Variants in HECW2 observed in about 807,000 individuals in gnomAD.
HECW2 encodes the protein HECT, C2 and WW domain containing E3 ubiquitin protein ligase 2.
A neutral mutation model predicts 175.2 loss-of-function variants in HECW2; 61 were observed. The ratio of observed to expected loss-of-function variants is 0.35; its 90% CI spans 0.28 to 0.43. The LOEUF is 0.43. Ranked by LOEUF, HECW2 falls within the 20% of genes least tolerant of loss-of-function variation. The pLI is 1.00. For synonymous variants in HECW2, 671 were observed against 731.0 expected (o/e 0.92, Z 1.32); for missense variants, 1,524 against 2,000.5 (o/e 0.76, Z 4.54).
chr2:196,227,280 T>C (rs1001385658), intron 22 of HECW2, among the ~76,000 whole-genome samples: 21 of 150,342 alleles, frequency 1.4e-4, no homozygotes, highest in African/African-American at 4.6e-4. Flanking sequence ...ATTCTTTCCT[T>C]TGTTGCTGTC....
chr2:196,401,082 C>T (rs778153987), intron 2 of HECW2, among the ~76,000 whole-genome samples: 7 of 152,164 alleles, frequency 4.6e-5, no homozygotes, highest in Non-Finnish European at 8.8e-5. Flanking sequence ...AAATTAAATG[C>T]GCACATTCTT....
chr2:196,427,060 G>A (rs1480197745), intron 2 of HECW2, among the ~76,000 whole-genome samples: 1 of 152,066 alleles, frequency 6.6e-6, no homozygotes, highest in East Asian at 1.9e-4. Context: ...GAGAAATGCT[G>A]GTAAATTATT....
intron 1 of HECW2, among the ~76,000 whole-genome samples, chr2:196,444,434 T>C (rs958966412): frequency 6.6e-6 from 1 of 152,240 alleles, no homozygotes; most frequent in Admixed American, 6.5e-5. Flanking sequence ...AGCAATTCTA[T>C]CATGCAGTCT....
chr2:196,585,595 G>A (rs548947031), intron 1 of HECW2, among the ~76,000 whole-genome samples: 81 of 152,212 alleles, frequency 5.3e-4, no homozygotes, highest in Admixed American at 8.5e-4. Flanking sequence ...TATCTGCCTA[G>A]ATAACAGTGA....
intron 24 of HECW2, among the ~76,000 whole-genome samples, chr2:196,221,219 T>C (rs2105818244): frequency 6.6e-6 from 1 of 152,222 alleles, no homozygotes; most frequent in East Asian, 1.9e-4. Flanking sequence ...CGGCTTCAGA[T>C]ACTAGCCTGC....
At chr2:196,537,442 A>C (rs1689057966) in intron 1 of HECW2, among the ~76,000 whole-genome samples, 1 of 152,186 alleles carries the variant, frequency 6.6e-6, no homozygotes, top group Non-Finnish European at 1.5e-5. Context: ...ATCAGGAGGC[A>C]GCAAAGCTCT....
chr2:196,329,131 C>G (rs1319441313), intron 5 of HECW2, among the ~76,000 whole-genome samples: 1 of 152,040 alleles, frequency 6.6e-6, no homozygotes, highest in Non-Finnish European at 1.5e-5. Flanking sequence ...TTTTACTAAT[C>G]AGAAAACAAG....
intron 21 of HECW2, among the ~76,000 whole-genome samples, chr2:196,233,453 G>A (rs1380125595): frequency 1.3e-5 from 2 of 152,130 alleles, no homozygotes; most frequent in East Asian, 1.9e-4. Context: ...TGAAAACTAA[G>A]TATTCTAATG....
intron 1 of HECW2, among the ~76,000 whole-genome samples, chr2:196,462,525 C>T (rs1303319381): frequency 6.6e-6 from 1 of 152,052 alleles, no homozygotes; most frequent in Non-Finnish European, 1.5e-5. Context: ...ATCTTAAAAC[C>T]TAATATAATC....
chr2:196,377,327 G>A (rs1694078704), intron 2 of HECW2, among the ~76,000 whole-genome samples: 2 of 152,160 alleles, frequency 1.3e-5, no homozygotes, highest in South Asian at 4.1e-4. Flanking sequence ...AAATTGTCCT[G>A]ATGCAGTGTA....
intron 23 of HECW2, among the ~76,000 whole-genome samples, chr2:196,225,392 T>C (rs146617524): frequency 6.6e-6 from 1 of 152,212 alleles, no homozygotes; most frequent in East Asian, 1.9e-4. Context: ...ATGTGTCTCA[T>C]AAAGGAGAGG....
intron 1 of HECW2, among the ~76,000 whole-genome samples, chr2:196,500,223 T>A (rs1308794971): frequency 1.3e-5 from 2 of 152,194 alleles, no homozygotes; most frequent in African/African-American, 4.8e-5. Flanking sequence ...GAACTTCAAG[T>A]TTTTTTAGTA....
intron 19 of HECW2, among the ~76,000 whole-genome samples, chr2:196,248,829 C>T (rs1688753863): frequency 6.6e-6 from 1 of 152,076 alleles, no homozygotes; most frequent in African/African-American, 2.4e-5. Flanking sequence ...TCTCACAACC[C>T]ATCCCCTCAA....
At chr2:196,432,181 T>C (rs1559107097) in intron 2 of HECW2, among the ~76,000 whole-genome samples, 1 of 152,066 alleles carries the variant, frequency 6.6e-6, no homozygotes, top group African/African-American at 2.4e-5. Flanking sequence ...AAATCTTCCC[T>C]GGCTAAGAAG....
At chr2:196,209,034 G>A (rs1339211398) in intron 28 of HECW2, among the ~76,000 whole-genome samples, 2 of 152,202 alleles carry the variant, frequency 1.3e-5, no homozygotes, top group South Asian at 4.1e-4. Flanking sequence ...TCATGGACTA[G>A]GCTGGTGGAA....
intron 19 of HECW2, among the ~76,000 whole-genome samples, chr2:196,245,077 T>C (rs1048730133): frequency 6.6e-5 from 10 of 152,198 alleles, no homozygotes; most frequent in Middle Eastern, 3.2e-3. Flanking sequence ...AGGACTAGAC[T>C]GGAGTGAGTG....
intron 14 of HECW2, among the ~76,000 whole-genome samples, chr2:196,285,096 C>T (rs1690334815): frequency 6.6e-6 from 1 of 152,182 alleles, no homozygotes; most frequent in East Asian, 1.9e-4. Context: ...GAAATATGGG[C>T]TAGTTGGAGC....
chr2:196,223,899 A>T (rs1269110700), intron 23 of HECW2, among the ~76,000 whole-genome samples: 4 of 152,222 alleles, frequency 2.6e-5, no homozygotes, highest in African/African-American at 9.6e-5. Flanking sequence ...AACATGTAGC[A>T]ATCAGGAAAT....
chr2:196,451,970 G>T (rs10196767), intron 1 of HECW2, among the ~76,000 whole-genome samples: 20,208 of 152,154 alleles, frequency 0.13, 1,810 homozygotes, highest in African/African-American at 0.26. Flanking sequence ...TCATGGTGTA[G>T]GAAGTATTAG....
Sources: allele counts gnomAD v4.1 joint callset (sites outside exome capture counted in the v4.1 genomes callset), GRCh38; gene constraint gnomAD v4.1.1; transcripts MANE v1.5; gene names NCBI Gene and HGNC (gene_info 2026-07-23, HGNC 2026-07-21).